Variants in GRID1 observed in about 807,000 individuals in gnomAD.
GRID1 encodes the protein glutamate ionotropic receptor delta type subunit 1, also known as glutamate receptor ionotropic, delta-1.
Under a neutral mutation model 98.0 loss-of-function variants are expected in GRID1, and 28 were observed. That is an observed-to-expected ratio of 0.29 (90% CI 0.21 to 0.39). GRID1 has a LOEUF of 0.39. GRID1 is among the 10% of genes least tolerant of loss of function. The probability of loss-of-function intolerance (pLI) is 1.00; values close to 1 mark genes in which losing one functional copy is unlikely to be tolerated. For missense variants in GRID1, 1,111 were observed against 1,340.5 expected (o/e 0.83, Z 2.67); for synonymous variants, 553 against 538.5 (o/e 1.03, Z -0.37).
chr10:86,346,788 C>T (rs549237059), intron 2 of GRID1, among the ~76,000 whole-genome samples: 1 of 152,322 alleles, frequency 6.6e-6, no homozygotes, highest in African/African-American at 2.4e-5. Flanking sequence ...CTCCTTGTCC[C>T]TTGGAACCTG....
chr10:85,895,016 A>AAAATAT (rs766551035), intron 5 of GRID1, among the ~76,000 whole-genome samples: 1,697 of 96,980 alleles, frequency 0.017, 28 homozygotes, highest in Middle Eastern at 0.027. Context: ...AAAAAAAAAA[A>AAAATAT]ATATATATAT....
intron 8 of GRID1, among the ~76,000 whole-genome samples, chr10:85,734,570 T>C (rs1003122176): frequency 1.3e-4 from 20 of 152,214 alleles, no homozygotes; most frequent in African/African-American, 4.8e-4. Context: ...AAAAAAATAC[T>C]TCAAAGCAAA....
chr10:85,821,918 C>G (rs911962812), intron 8 of GRID1, among the ~76,000 whole-genome samples: 15 of 151,988 alleles, frequency 9.9e-5, no homozygotes, highest in African/African-American at 1.5e-4. Context: ...ACAAACCTGA[C>G]AAAAACAAGA....
At chr10:85,780,079 A>G (rs1842367798) in intron 8 of GRID1, among the ~76,000 whole-genome samples, 1 of 152,212 alleles carries the variant, frequency 6.6e-6, no homozygotes, top group African/African-American at 2.4e-5. Flanking sequence ...CCAAGTCAAG[A>G]TTGGATGAAA....
chr10:86,251,044 C>A (rs1184773648), intron 2 of GRID1, among the ~76,000 whole-genome samples: 1 of 152,054 alleles, frequency 6.6e-6, no homozygotes, highest in Non-Finnish European at 1.5e-5. Context: ...TAACCTTACC[C>A]CCAACCCCGT....
chr10:86,231,317 T>A (rs1215575590), intron 2 of GRID1, among the ~76,000 whole-genome samples: 1 of 152,120 alleles, frequency 6.6e-6, no homozygotes, highest in African/African-American at 2.4e-5. Flanking sequence ...AGAAATGCCC[T>A]CTTGACCCCC....
At chr10:85,926,190 G>C (rs1841772188) in intron 4 of GRID1, among the ~76,000 whole-genome samples, 1 of 152,114 alleles carries the variant, frequency 6.6e-6, no homozygotes, top group South Asian at 2.1e-4. Flanking sequence ...AGGGGAGGTG[G>C]CCAGTACACT....
Position 85,856,012 on chromosome 10 carries a change from T to C in GRID1, c.1113+17A>G. ...GGCCTGTCTTTGGCCAGGTTGGGGGTGCCCCCTCACACGTACCTTTTTGAT... is the reference window on the plus strand; with the variant it reads ...GGCCTGTCTTTGGCCAGGTTGGGGGCGCCCCCTCACACGTACCTTTTTGAT... On this transcript the variant is annotated intron_variant, in intron 7 of 15. Transcript: ENST00000327946. 1 of 1,611,388 alleles carries C rather than the reference T, an allele frequency of 6.2e-7. No homozygotes were observed. The highest frequency in any genetic ancestry group is 8.5e-7 in the Non-Finnish European group (1 of 1,178,968).
intron 4 of GRID1, among the ~76,000 whole-genome samples, chr10:85,956,364 A>G (rs1056321499): frequency 8.1e-5 from 12 of 148,328 alleles, no homozygotes; most frequent in African/African-American, 3.0e-4. Context: ...TGCTAGCCCA[A>G]CCTCCCCAGC....
intron 5 of GRID1, among the ~76,000 whole-genome samples, chr10:85,901,388 A>C (rs1381224516): frequency 6.6e-6 from 1 of 152,108 alleles, no homozygotes; most frequent in Non-Finnish European, 1.5e-5. Context: ...CTGGGACTAC[A>C]GGTGCCCGCC....
chr10:85,951,362 A>T (rs1378708612), intron 4 of GRID1, among the ~76,000 whole-genome samples: 1 of 152,060 alleles, frequency 6.6e-6, no homozygotes, highest in African/African-American at 2.4e-5. Flanking sequence ...ATGCACCCTC[A>T]GACCTCCCCA....
At chr10:86,290,365 C>T (rs1459618813) in intron 2 of GRID1, among the ~76,000 whole-genome samples, 1 of 152,128 alleles carries the variant, frequency 6.6e-6, no homozygotes, top group Non-Finnish European at 1.5e-5. Context: ...AAGATGTTCC[C>T]GGCCAGGTGC....
At chr10:86,264,593 C>T in intron 2 of GRID1, 1 of 454,246 alleles carries the variant, frequency 2.2e-6, no homozygotes, top group South Asian at 1.6e-5. Flanking sequence ...TTCTCTGGCT[C>T]AGGAGGGCCT....
intron 2 of GRID1, among the ~76,000 whole-genome samples, chr10:86,275,988 C>T (rs948772801): frequency 6.6e-6 from 1 of 152,128 alleles, no homozygotes; most frequent in East Asian, 1.9e-4. Context: ...AATCAAACTA[C>T]TGAAAGACAA....
At chr10:85,868,175 T>C (rs894563742) in intron 6 of GRID1, among the ~76,000 whole-genome samples, 1 of 152,244 alleles carries the variant, frequency 6.6e-6, no homozygotes, top group Non-Finnish European at 1.5e-5. Flanking sequence ...TACAAACTTC[T>C]GTGCAATTTC....
intron 4 of GRID1, among the ~76,000 whole-genome samples, chr10:86,019,959 G>A (rs1022946018): frequency 2.7e-4 from 41 of 152,336 alleles, no homozygotes; most frequent in African/African-American, 8.4e-4. Flanking sequence ...CACAATGAAA[G>A]CTTGGAATGC....
chr10:85,786,029 A>G (rs1726338743), intron 8 of GRID1, among the ~76,000 whole-genome samples: 1 of 152,112 alleles, frequency 6.6e-6, no homozygotes, highest in Non-Finnish European at 1.5e-5. Flanking sequence ...ATACACATGC[A>G]CATACCACAG....
intron 8 of GRID1, among the ~76,000 whole-genome samples, chr10:85,743,250 C>A (rs73328668): frequency 6.6e-6 from 1 of 152,014 alleles, no homozygotes; most frequent in Non-Finnish European, 1.5e-5. Context: ...CTTCCAATCA[C>A]CTCTGCCAAA....
rs367546602 is a variant in GRID1 at position 85,714,644 on chromosome 10, T to C, written c.1997+8359A>G. On this transcript the variant is annotated intron_variant, in intron 12 of 15. Coordinates refer to ENST00000327946, the MANE Select transcript of GRID1 (RefSeq NM_017551.3). ...AATCAAAAAACAATTCTATTTAAAA[T>C]AGCATAAAAATAAAATTCTGGTGTA... 1.3e-4 allele frequency among the ~76,000 whole-genome samples: 20 copies of C among 152,122 alleles called. No individual in the cohort carries two copies. The East Asian group carries it at 1.9e-3, about 15-fold the overall frequency.
Sources: allele counts gnomAD v4.1 joint callset (sites outside exome capture counted in the v4.1 genomes callset), GRCh38; gene constraint gnomAD v4.1.1; transcripts MANE v1.5; gene names NCBI Gene and HGNC (gene_info 2026-07-23, HGNC 2026-07-21).